Variants in JADE1 observed in about 807,000 individuals in gnomAD.
The protein encoded by JADE1 is protein Jade-1.
JADE1 carries 14 observed loss-of-function variants against 81.8 expected under a neutral mutation model. That is an observed-to-expected ratio of 0.17 (90% confidence interval 0.11 to 0.27). The LOEUF is 0.27. JADE1 is among the 10% of genes least tolerant of loss of function. JADE1 has a pLI of 1.00. For missense variants in JADE1, 690 were observed against 1,047.9 expected, an observed-to-expected ratio of 0.66 and a Z score of 4.71; for synonymous variants, 353 against 391.9, an observed-to-expected ratio of 0.90 and a Z score of 1.17.
intron 1 of JADE1, among the ~76,000 whole-genome samples, chr4:128,812,704 C>T (rs1013639939): frequency 9.2e-5 from 14 of 152,230 alleles, no homozygotes; most frequent in Admixed American, 4.6e-4. Flanking sequence ...CTTCGAAACC[C>T]GTTAGGAATG....
At chr4:128,811,363 G>C (rs886638333) in intron 1 of JADE1, 4 of 152,110 alleles carry the variant, frequency 2.6e-5, no homozygotes, top group Non-Finnish European at 5.9e-5. Context: ...ACTTCCGCGG[G>C]CGTTTAAATA....
intron 1 of JADE1, among the ~76,000 whole-genome samples, chr4:128,815,302 G>A (rs1222358103): frequency 6.6e-6 from 1 of 151,962 alleles, no homozygotes; most frequent in South Asian, 2.1e-4. Flanking sequence ...GGGTTTCACC[G>A]TGTTAGCCAG....
chr4:128,810,001 C>T, intron 1 of JADE1, 124 bp downstream of exon 1: 2 of 161,720 alleles, frequency 1.2e-5, no homozygotes, highest in Non-Finnish European at 2.6e-5. Context: ...GCGGCGGCGG[C>T]GGCTGCAGGA....
At chr4:128,850,520 C>T (rs1002694410) in intron 5 of JADE1, among the ~76,000 whole-genome samples, 6 of 152,140 alleles carry the variant, frequency 3.9e-5, no homozygotes, top group African/African-American at 1.4e-4. Flanking sequence ...CTCAGTTACT[C>T]AAGTGTTTTT....
intron 8 of JADE1, 124 bp from the exon 9 acceptor site, chr4:128,861,580 T>C: frequency 1.8e-6 from 2 of 1,094,180 alleles, no homozygotes; most frequent in African/African-American, 1.6e-5. Context: ...TTTCCTGTCA[T>C]GGCACATGCT....
intron 1 of JADE1, among the ~76,000 whole-genome samples, chr4:128,815,456 T>G (rs1377004223): frequency 6.6e-6 from 1 of 152,194 alleles, no homozygotes; most frequent in African/African-American, 2.4e-5. Context: ...CCTTTGGAAA[T>G]AAAGTTGCCT....
chr4:128,845,558 A>G (rs1729797228), intron 3 of JADE1, among the ~76,000 whole-genome samples: 1 of 152,058 alleles, frequency 6.6e-6, no homozygotes, highest in East Asian at 1.9e-4. Flanking sequence ...TTCACCAGCT[A>G]CCATACCATA....
intron 3 of JADE1, among the ~76,000 whole-genome samples, chr4:128,843,546 T>C (rs1002746121): frequency 6.6e-6 from 1 of 152,232 alleles, no homozygotes; most frequent in Non-Finnish European, 1.5e-5. Context: ...TTATGTTTCC[T>C]CTGCTCCCTA....
chr4:128,858,574 T>TA lies in JADE1; in HGVS notation c.981+1123dup, dbSNP rs554090725. 4.2e-4 allele frequency among the ~76,000 whole-genome samples: 64 copies of TA among 151,296 alleles called. 1 individual carries two copies. The South Asian group carries it at 0.013, about 31-fold the overall frequency. ...CAAAGTCGGTTTGTATTTTGACTGA[T>TA]AAATACTTTTTGGGAAGGTGGTTTT... On this transcript the variant is annotated intron_variant, in intron 8 of 10. Transcript: ENST00000226319.
At chr4:128,843,530 C>G (rs1323454724) in intron 3 of JADE1, among the ~76,000 whole-genome samples, 1 of 152,156 alleles carries the variant, frequency 6.6e-6, no homozygotes, top group Non-Finnish European at 1.5e-5. Flanking sequence ...CAATTTGTTT[C>G]TCATCTTATG....
chr4:128,816,679 A>C (rs977316123), intron 1 of JADE1, among the ~76,000 whole-genome samples: 1 of 152,242 alleles, frequency 6.6e-6, no homozygotes, highest in South Asian at 2.1e-4. Flanking sequence ...CCTTAGACCC[A>C]TAGTGTACGA....
At chr4:128,821,721 A>T (rs998824077) in intron 1 of JADE1, among the ~76,000 whole-genome samples, 1 of 152,028 alleles carries the variant, frequency 6.6e-6, no homozygotes, top group African/African-American at 2.4e-5. Context: ...GGGTTTCGCC[A>T]TGTTGGCCAG....
rs1479327015 is a variant in JADE1 at position 128,864,937 on chromosome 4, TGTG to T, written c.1503+2717_1503+2719del. ...AACTTTAAGAAGACACAGTTGCTGA[TGTG>T]GTGGGTAGCCATGTCATTCCCAAGG... is the stretch of plus-strand genomic sequence containing the variant. On this transcript the variant is annotated intron_variant, in intron 9 of 10. Transcript: ENST00000226319. The T allele has an allele frequency of 3.9e-5, 6 of 152,220 alleles. No homozygotes were observed. The East Asian group carries it at 5.8e-4, about 15-fold the overall frequency. 9.4% of individuals were successfully genotyped at this position (152,220 alleles called of 1,614,324 possible).
At chr4:128,828,639 C>T (rs1728268062) in intron 1 of JADE1, among the ~76,000 whole-genome samples, 1 of 152,096 alleles carries the variant, frequency 6.6e-6, no homozygotes. Context: ...AATAATTTTG[C>T]TTAAGAGAGT....
rs374970899 is a variant in JADE1, at chr4:128,843,057, C to T, written c.138+19C>T. On this transcript the variant is annotated intron_variant, in intron 3 of 10. Coordinates refer to ENST00000226319, the MANE Select transcript of JADE1 (RefSeq NM_199320.4). ...TTCAGAGGTACTTCTTGAATGCTTG[C>T]CTGACCGTGCATGAATATATGCTAT... 3.0e-5 allele frequency: 48 copies of T among 1,596,476 alleles called. No homozygotes were observed. In the African/African-American group the frequency reaches 6.0e-4, roughly 20 times the overall value.
At chr4:128,826,874 C>T (rs529414664) in intron 1 of JADE1, among the ~76,000 whole-genome samples, 4 of 152,200 alleles carry the variant, frequency 2.6e-5, no homozygotes, top group African/African-American at 4.8e-5. Flanking sequence ...CGGTCCTCCG[C>T]GTGAATGGGC....
At position 128,831,746 on chromosome 4, in the gene JADE1, T is replaced by TC; in HGVS notation, c.-10dup. 6.2e-7 allele frequency: 1 copy of TC among 1,614,184 alleles called. No individual in the cohort carries two copies. Among genetic ancestry groups the TC allele is most frequent in the Non-Finnish European group, 8.5e-7 (1 of 1,180,008 alleles). ...ATTGCTTTGCAGGCTGCCTGCTGTT[T>TC]CCCGGGGAGATCATGAAACGAGGTC... On this transcript the variant is annotated 5_prime_UTR_variant, in exon 2 of 11. Coordinates refer to ENST00000226319, the MANE Select transcript of JADE1 (RefSeq NM_199320.4).
At position 128,872,480 on chromosome 4, in the gene JADE1, A is replaced by T. The variant is rs1046670096; in HGVS notation, c.*218A>T. 5.4e-6 allele frequency: 3 copies of T among 550,630 alleles called. No individual in the cohort carries two copies. Among genetic ancestry groups the T allele is most frequent in the Non-Finnish European group, 9.7e-6 (3 of 310,536 alleles). 34.1% of individuals were successfully genotyped at this position (550,630 alleles called of 1,614,324 possible). The stretch of plus-strand genomic sequence containing the variant: ...TTGAGGAAACAGAAGAGTAGATTGT[A>T]ACCATAAGACACTGCTAAGACTAGA... On this transcript the variant is annotated 3_prime_UTR_variant, in exon 11 of 11. Coordinates refer to ENST00000226319, the MANE Select transcript of JADE1 (RefSeq NM_199320.4).
intron 2 of JADE1, among the ~76,000 whole-genome samples, chr4:128,836,061 C>T (rs1026859517): frequency 2.0e-5 from 3 of 152,160 alleles, no homozygotes; most frequent in African/African-American, 7.2e-5. Flanking sequence ...TGAAGTTACG[C>T]ATTGCGCCAG....
Sources: allele counts gnomAD v4.1 joint callset (sites outside exome capture counted in the v4.1 genomes callset), GRCh38; gene constraint gnomAD v4.1.1; transcripts MANE v1.5; gene names NCBI Gene and HGNC (gene_info 2026-07-23, HGNC 2026-07-21).